The following ZNFX1 variants were observed in gnomAD, a reference collection of about 807,000 sequenced individuals.
ZNFX1 encodes the protein NFX1-type zinc finger-containing protein 1.
In ZNFX1, 78 loss-of-function variants were observed where a neutral mutation model predicts 179.8. That is an observed-to-expected ratio of 0.43 (90% CI 0.36 to 0.52). The LOEUF is 0.52. Ranked by LOEUF, ZNFX1 falls within the 20% of genes least tolerant of loss-of-function variation. The pLI, the probability that ZNFX1 is intolerant of heterozygous loss-of-function variation, is 0.00. For missense variants in ZNFX1, 1,927 were observed against 2,386.6 expected, an observed-to-expected ratio of 0.81 and a Z score of 4.01; for synonymous variants, 848 against 868.5, an observed-to-expected ratio of 0.98 and a Z score of 0.42.
Position 49,246,570 on chromosome 20 carries a change from G to T in ZNFX1, c.*697C>A, listed in dbSNP as rs753303455. 4.4e-6 allele frequency: 1 copy of T among 226,000 alleles called. No homozygotes were observed. Among genetic ancestry groups the T allele is most frequent in the Non-Finnish European group, 9.0e-6 (1 of 111,470 alleles). The allele number at this position is 226,000 out of a possible 1,614,324, so 14.0% of individuals were successfully genotyped here. A position where few individuals can be genotyped will look rare whatever the true frequency, so the allele number is the denominator to read the frequency against. On this transcript the variant is annotated 3_prime_UTR_variant, in exon 14 of 14. Coordinates refer to ENST00000396105, the MANE Select transcript of ZNFX1 (RefSeq NM_021035.3). ...TATGAGAGTTAGTCTGCAAATTAGGGCCTGGCAATTAGAATCGGTCTGCAT... is the reference window on the plus strand; with the variant it reads ...TATGAGAGTTAGTCTGCAAATTAGGTCCTGGCAATTAGAATCGGTCTGCAT...
intron 9 of ZNFX1, among the ~76,000 whole-genome samples, chr20:49,255,087 C>T (rs238218): frequency 0.69 from 103,113 of 149,322 alleles, 36,448 homozygotes; most frequent in Non-Finnish European, 0.77. Flanking sequence ...CTCTGTCACC[C>T]AGGCTGGAGT....
In ZNFX1 at chr20:49,248,988, C is replaced by A; in HGVS notation, c.4036G>T (p.Val1346Leu). 1 of 1,614,198 alleles carries A rather than the reference C, an allele frequency of 6.2e-7. No individual in the cohort carries two copies. The highest frequency in any genetic ancestry group is 8.5e-7 in the Non-Finnish European group (1 of 1,180,028). Residue 1346 changes from valine (V) to leucine (L), a missense_variant, in exon 14 of 14, where the codon GTG (valine) becomes TTG (leucine). By Grantham distance (32) the Val-to-Leu change is conservative. Coordinates refer to ENST00000396105, the MANE Select transcript of ZNFX1 (RefSeq NM_021035.3). The surrounding 1 kb of genome is among the most constrained non-coding windows in gnomAD (Gnocchi z 4.6). Reference sequence around the variant, plus strand: ...CGAGGAATGGTTTTGGGCACCTTCACCTGACAAGGCTGACACTCCTGGAAG... The same window carrying A: ...CGAGGAATGGTTTTGGGCACCTTCAACTGACAAGGCTGACACTCCTGGAAG... ...VCFQECQPCQVKVPKTIPRCG... is the reference protein window; with the variant it reads ...VCFQECQPCQLKVPKTIPRCG...
intron 2 of ZNFX1, among the ~76,000 whole-genome samples, chr20:49,275,486 G>T (rs1342457440): frequency 6.6e-6 from 1 of 152,046 alleles, no homozygotes; most frequent in East Asian, 1.9e-4. Flanking sequence ...AGCCTAAGTA[G>T]CTGGGACTAC....
Position 49,247,361 on chromosome 20 carries a change from T to C in ZNFX1, c.5663A>G (p.Gln1888Arg), listed in dbSNP as rs1473917732. The C allele has an allele frequency of 1.2e-6, 2 of 1,614,066 alleles. No homozygotes were observed. The highest frequency in any genetic ancestry group is 8.5e-7 in the Non-Finnish European group (1 of 1,180,044). ...GTNHTLERSNQLASEMDGAQH... is the reference protein window; with the variant it reads ...GTNHTLERSNRLASEMDGAQH... ...GGCTCCATCCATTTCAGAAGCAAGCTGGTTGCTTCTTTCCAGAGTATGATT... is the reference window on the plus strand; with the variant it reads ...GGCTCCATCCATTTCAGAAGCAAGCCGGTTGCTTCTTTCCAGAGTATGATT... Residue 1888 changes from glutamine (Q) to arginine (R), a missense_variant, in exon 14 of 14, where the codon CAG becomes CGG. Gln to Arg is a conservative substitution (Grantham distance 43). Transcript: ENST00000396105.
intron 8 of ZNFX1, among the ~76,000 whole-genome samples, chr20:49,256,527 T>G (rs1036447326): frequency 6.6e-6 from 1 of 152,208 alleles, no homozygotes; most frequent in African/African-American, 2.4e-5. Flanking sequence ...AAGCACTGTT[T>G]ATGAGAAAGT....
chr20:49,271,959 C>T (rs189642654), intron 2 of ZNFX1, among the ~76,000 whole-genome samples: 7 of 152,124 alleles, frequency 4.6e-5, no homozygotes, highest in South Asian at 2.1e-4. Context: ...TTACAAAGGA[C>T]GCAAAAGGGA....
chr20:49,274,713 C>G (rs1369813309), intron 2 of ZNFX1, among the ~76,000 whole-genome samples: 1 of 151,792 alleles, frequency 6.6e-6, no homozygotes, highest in African/African-American at 2.4e-5. Flanking sequence ...GAACCGAGAT[C>G]GCACCACTGC....
Position 49,270,875 on chromosome 20 carries a change from T to C in ZNFX1, c.937A>G (p.Thr313Ala). Residue 313 changes from threonine to alanine, a missense_variant, in exon 3 of 14, where the codon ACT becomes GCT. Physicochemically the swap from Thr to Ala is moderately conservative, Grantham distance 58. Coordinates refer to ENST00000396105, the MANE Select transcript of ZNFX1 (RefSeq NM_021035.3). The surrounding 1 kb of genome is among the most constrained non-coding windows in gnomAD (Gnocchi z 4.6). The stretch of plus-strand genomic sequence containing the variant: ...AGAGTGTAGGTATCCACTCTCAAAG[T>C]GCCCTCTCGCCTCTTTTCCTGCAGA... ...EHLQEKRREGTLRVDTYTLVQ... is the reference protein window; with the variant it reads ...EHLQEKRREGALRVDTYTLVQ... The C allele has an allele frequency of 3.1e-6, 5 of 1,614,170 alleles. No individual in the cohort carries two copies. Among genetic ancestry groups the C allele is most frequent in the African/African-American group, 1.3e-5 (1 of 75,044 alleles).
chr20:49,252,481 GAGAT>G (rs1358501548), intron 12 of ZNFX1, among the ~76,000 whole-genome samples: 1 of 151,784 alleles, frequency 6.6e-6, no homozygotes, highest in Non-Finnish European at 1.5e-5. Flanking sequence ...AAAATCTAGA[GAGAT>G]AGAGATTATC....
intron 12 of ZNFX1, among the ~76,000 whole-genome samples, chr20:49,252,280 T>G (rs1417914634): frequency 6.6e-6 from 1 of 151,978 alleles, no homozygotes; most frequent in Admixed American, 6.6e-5. Flanking sequence ...TAGCTGGGAT[T>G]ACAGGTGCCC....
At position 49,263,360 on chromosome 20, in the gene ZNFX1, C is replaced by T; in HGVS notation, c.2275G>A (p.Glu759Lys). The T allele has an allele frequency of 1.2e-6, 2 of 1,613,692 alleles. No individual in the cohort carries two copies. Among genetic ancestry groups the T allele is most frequent in the Non-Finnish European group, 1.7e-6 (2 of 1,180,024 alleles). The part of the protein sequence containing the change: ...LQKYISPQHW[E>K]SLMNGPVQDS... ...TGCACTGGTCCATTCATGAGACTTTCCCAGTGCTGGGGTGAGATGTACTTC... is the reference window on the plus strand; with the variant it reads ...TGCACTGGTCCATTCATGAGACTTTTCCAGTGCTGGGGTGAGATGTACTTC... The change falls in exon 6 of 14, where the codon GAA (glutamate) becomes AAA (lysine). Residue 759 changes from glutamate (E) to lysine (K), a missense_variant. Transcript: ENST00000396105.
At chr20:49,259,617 C>T (rs1981066757) in intron 7 of ZNFX1, among the ~76,000 whole-genome samples, 1 of 151,928 alleles carries the variant, frequency 6.6e-6, no homozygotes, top group Non-Finnish European at 1.5e-5. Flanking sequence ...TTAGTAAAGA[C>T]AGGGTCTCAT....
intron 2 of ZNFX1, 133 bp downstream of exon 2, chr20:49,275,646 T>C (rs1268787808): frequency 1.1e-6 from 1 of 871,288 alleles, no homozygotes. Flanking sequence ...CTTGAGCCAC[T>C]GCATCCAGCC....
Position 49,252,735 on chromosome 20 carries a change from G to A in ZNFX1, c.3201C>T (p.Val1067=), listed in dbSNP as rs1980872362. 1.2e-6 allele frequency: 2 copies of A among 1,613,818 alleles called. No homozygotes were observed. The highest frequency in any genetic ancestry group is 8.5e-7 in the Non-Finnish European group (1 of 1,179,892). ...ERLVKVNIPF[V]RLNYQHRMCP... ...AGCTTCTCACCTGGTAATTCAGACG[G>A]ACAAAGGGAATGTTTACTTTCACTA... Residue 1067 remains valine, a synonymous_variant, in exon 12 of 14, where the codon GTC becomes GTT. Transcript: ENST00000396105.
rs1981381250 is a variant in ZNFX1, at chr20:49,271,185, G to A, written c.627C>T (p.Gly209=). ...TGAGAAATTTGGAGTTTTTCAATAT[G>A]CCCAGTACATGGAGAACACTCTGGC... ...MDRQSVLHVL[G]ILKNSKFLKV... The change falls in exon 3 of 14, where the codon GGC becomes GGT. Residue 209 remains glycine (G), a synonymous_variant. Coordinates refer to ENST00000396105, the MANE Select transcript of ZNFX1 (RefSeq NM_021035.3). 6.2e-7 allele frequency: 1 copy of A among 1,614,130 alleles called. No homozygotes were observed. The highest frequency in any genetic ancestry group is 1.3e-5 in the African/African-American group (1 of 75,026).
chr20:49,260,616 A>T (rs1430464370), intron 6 of ZNFX1, 39 bp from the exon 7 acceptor site: 2 of 1,451,910 alleles, frequency 1.4e-6, no homozygotes, highest in Non-Finnish European at 1.9e-6. Flanking sequence ...GGATTCTATG[A>T]CAACCAATGT....
At position 49,248,230 on chromosome 20, in the gene ZNFX1, T is replaced by A; in HGVS notation, c.4794A>T (p.Gln1598His). The A allele has an allele frequency of 6.2e-7, 1 of 1,614,186 alleles. No individual in the cohort carries two copies. Among genetic ancestry groups the A allele is most frequent in the Non-Finnish European group, 8.5e-7 (1 of 1,180,034 alleles). The change falls in exon 14 of 14, where the codon CAA becomes CAT. Residue 1598 changes from glutamine to histidine, a missense_variant. Gln to His is a conservative substitution (Grantham distance 24). Coordinates refer to ENST00000396105, the MANE Select transcript of ZNFX1 (RefSeq NM_021035.3). The surrounding 1 kb of genome is among the most constrained non-coding windows in gnomAD (Gnocchi z 4.6). ...LEDCSHIFEV[Q>H]ALDRYMNEQK... Reference sequence around the variant, plus strand: ...GTTCATTCATGTAGCGGTCTAGGGCTTGCACCTCAAAGATGTGGCTGCAGT... The same window carrying A: ...GTTCATTCATGTAGCGGTCTAGGGCATGCACCTCAAAGATGTGGCTGCAGT...
At chr20:49,253,157 G>C (rs923297887) in intron 11 of ZNFX1, among the ~76,000 whole-genome samples, 1 of 152,206 alleles carries the variant, frequency 6.6e-6, no homozygotes. Context: ...AAAGGACACA[G>C]TGGGACACCA....
Position 49,248,650 on chromosome 20 carries a change from A to G in ZNFX1, c.4374T>C (p.His1458=), listed in dbSNP as rs368798146. The G allele has an allele frequency of 3.7e-5, 60 of 1,613,668 alleles. No individual in the cohort carries two copies. Among genetic ancestry groups the G allele is most frequent in the East Asian group, 6.7e-5 (3 of 44,898 alleles). Residue 1458 remains histidine (H), a synonymous_variant, in exon 14 of 14, where the codon CAT becomes CAC. Coordinates refer to ENST00000396105, the MANE Select transcript of ZNFX1 (RefSeq NM_021035.3). The surrounding 1 kb of genome is among the most constrained non-coding windows in gnomAD (Gnocchi z 4.6). ...GCTTGCAGGGCTGCTGACAGCGTTC[A>G]TGGAAACGCCCTTCGAAGCAGCTGT... is the stretch of plus-strand genomic sequence containing the variant. ...SCHSCFEGRF[H]ERCQQPCKRL...
Sources: allele counts gnomAD v4.1 joint callset (sites outside exome capture counted in the v4.1 genomes callset), GRCh38; gene constraint gnomAD v4.1.1; non-coding constraint Gnocchi (gnomAD v3.1); transcripts MANE v1.5; gene names NCBI Gene and HGNC (gene_info 2026-07-23, HGNC 2026-07-21).